Variants in PCDH15 observed in about 807,000 individuals in gnomAD.
PCDH15 encodes protocadherin-15.
A neutral mutation model predicts 178.5 loss-of-function variants in PCDH15; 129 were observed. The observed-to-expected ratio is 0.72, with a 90% CI of 0.63 to 0.84. PCDH15 has a LOEUF of 0.84. PCDH15 is among the 40% of genes least tolerant of loss of function. The probability of loss-of-function intolerance (pLI) is 0.00; values close to 1 mark genes in which losing one functional copy is unlikely to be tolerated. For synonymous variants in PCDH15, 800 were observed against 732.0 expected, an observed-to-expected ratio of 1.09 and a Z score of -1.50; for missense variants, 2,230 against 2,099.9, an observed-to-expected ratio of 1.06 and a Z score of -1.21.
rs75422821 is a variant in PCDH15 at position 55,135,224 on chromosome 10, T to C, written c.-80+31352A>G. 5.2e-4 allele frequency among the ~76,000 whole-genome samples: 79 copies of C among 152,284 alleles called. 2 individuals carry two copies. In the East Asian group the frequency reaches 0.013, roughly 26 times the overall value. On this transcript the variant is annotated intron_variant, in intron 2 of 5. Transcript: ENST00000458638. The stretch of plus-strand genomic sequence containing the variant: ...TCAACTAGTATCATAATAAGAATTA[T>C]AAATAATATGATCAGAGGGATAACA...
chr10:54,610,974 C>A (rs1358076102), intron 2 of PCDH15, among the ~76,000 whole-genome samples: 1 of 151,742 alleles, frequency 6.6e-6, no homozygotes, highest in Non-Finnish European at 1.5e-5. Flanking sequence ...GCTTCTTATA[C>A]TAGTAACATT....
intron 2 of PCDH15, among the ~76,000 whole-genome samples, chr10:55,566,694 C>A (rs1166670940): frequency 4.0e-5 from 6 of 151,458 alleles, no homozygotes; most frequent in Non-Finnish European, 7.4e-5. Flanking sequence ...GCAATAGCAT[C>A]AAAAATATAA....
intron 2 of PCDH15, among the ~76,000 whole-genome samples, chr10:54,996,063 T>A (rs1839636255): frequency 6.6e-6 from 1 of 152,176 alleles, no homozygotes; most frequent in South Asian, 2.1e-4. Flanking sequence ...GGACCTATAC[T>A]GAACCCCTAG....
chr10:54,617,850 G>A (rs1483282636), intron 2 of PCDH15, among the ~76,000 whole-genome samples: 2 of 150,904 alleles, frequency 1.3e-5, no homozygotes, highest in African/African-American at 4.9e-5. Context: ...TCTTGAACCC[G>A]GGAGGCAGAG....
chr10:54,643,591 CTTAA>C (rs2094046075), intron 2 of PCDH15, among the ~76,000 whole-genome samples: 2 of 151,734 alleles, frequency 1.3e-5, no homozygotes, highest in Non-Finnish European at 2.9e-5. Context: ...CTCATATGAC[CTTAA>C]TTGTTTAAAA....
intron 15 of PCDH15, among the ~76,000 whole-genome samples, chr10:54,118,778 A>ATTTT (rs71007808): frequency 6.6e-6 from 1 of 150,724 alleles, no homozygotes; most frequent in East Asian, 1.9e-4. Context: ...TTTTATTTTT[A>ATTTT]TTTTTTTTTG....
At chr10:54,939,363 C>T (rs1463820535) in intron 2 of PCDH15, among the ~76,000 whole-genome samples, 2 of 151,172 alleles carry the variant, frequency 1.3e-5, no homozygotes, top group Admixed American at 1.3e-4. Context: ...GGCGTGGTGG[C>T]GGGCCCCTGT....
chr10:55,625,673 A>C (rs1837511207), intron 2 of PCDH15, among the ~76,000 whole-genome samples: 2 of 152,180 alleles, frequency 1.3e-5, no homozygotes, highest in African/African-American at 4.8e-5. Context: ...AAGTCTTTTC[A>C]AAGCATTTAC....
chr10:55,257,530 G>C (rs1162293230), intron 1 of PCDH15, among the ~76,000 whole-genome samples: 1 of 151,956 alleles, frequency 6.6e-6, no homozygotes, highest in Non-Finnish European at 1.5e-5. Flanking sequence ...GTCCTTAAAG[G>C]ACCTGATGGA....
chr10:53,985,658 G>C (rs935461348), intron 21 of PCDH15, among the ~76,000 whole-genome samples: 1 of 151,866 alleles, frequency 6.6e-6, no homozygotes, highest in African/African-American at 2.4e-5. Flanking sequence ...GATCAAGCAG[G>C]GAAAAAATTG....
chr10:54,442,457 T>C lies in PCDH15; in HGVS notation c.158-63515A>G, dbSNP rs9415332. 2.7e-3 allele frequency among the ~76,000 whole-genome samples: 262 copies of C among 97,000 alleles called. 8 individuals carry two copies. The highest frequency in any genetic ancestry group is 9.4e-3 in the African/African-American group (222 of 23,732). 63.6% of individuals were successfully genotyped at this position (97,000 alleles called of 152,430 possible). On this transcript the variant is annotated intron_variant, in intron 3 of 37. Transcript: ENST00000644397. ...ATATATATATATATATATATATATATATACAGTCTTTTTTATTATAATAAA... is the reference window on the plus strand; with the variant it reads ...ATATATATATATATATATATATATACATACAGTCTTTTTTATTATAATAAA...
chr10:54,553,518 T>C (rs527808991), intron 2 of PCDH15, among the ~76,000 whole-genome samples: 34 of 152,298 alleles, frequency 2.2e-4, no homozygotes, highest in African/African-American at 8.2e-4. Context: ...CTCAATTGTG[T>C]CCTTCTGTCC....
intron 2 of PCDH15, among the ~76,000 whole-genome samples, chr10:55,022,305 A>C (rs2131955816): frequency 6.6e-6 from 1 of 152,032 alleles, no homozygotes; most frequent in African/African-American, 2.4e-5. Flanking sequence ...CACAAAAATT[A>C]GCTGGGCATG....
At chr10:54,767,338 G>C (rs1477881833) in intron 1 of PCDH15, among the ~76,000 whole-genome samples, 2 of 152,122 alleles carry the variant, frequency 1.3e-5, no homozygotes, top group Non-Finnish European at 2.9e-5. Flanking sequence ...ATGATTAAAT[G>C]AAAGTATCAA....
At chr10:55,080,275 C>T (rs183266071) in intron 2 of PCDH15, among the ~76,000 whole-genome samples, 1 of 152,264 alleles carries the variant, frequency 6.6e-6, no homozygotes, top group Admixed American at 6.5e-5. Context: ...GCTCCACCTC[C>T]TGTCAGATCA....
intron 1 of PCDH15, among the ~76,000 whole-genome samples, chr10:55,170,424 C>T (rs12414334): frequency 0.12 from 17,716 of 152,110 alleles, 1,465 homozygotes; most frequent in Non-Finnish European, 0.17. Flanking sequence ...GCTATGATTA[C>T]AGGAATGAGC....
chr10:54,226,971 C>G (rs1191203262), intron 9 of PCDH15, among the ~76,000 whole-genome samples: 1 of 152,228 alleles, frequency 6.6e-6, no homozygotes, highest in South Asian at 2.1e-4. Context: ...GACAACTCCA[C>G]CCCTGTTGCT....
chr10:54,917,832 AT>A (rs1206259683), intron 2 of PCDH15, among the ~76,000 whole-genome samples: 1 of 152,206 alleles, frequency 6.6e-6, no homozygotes, highest in Non-Finnish European at 1.5e-5. Context: ...ACTAAGGCAT[AT>A]TCAAATGGTT....
At chr10:55,338,426 T>C (rs568268951) in intron 2 of PCDH15, among the ~76,000 whole-genome samples, 1 of 152,304 alleles carries the variant, frequency 6.6e-6, no homozygotes, top group African/African-American at 2.4e-5. Context: ...AATCAATAAA[T>C]AGCAGGTAGT....
Sources: allele counts gnomAD v4.1 joint callset (sites outside exome capture counted in the v4.1 genomes callset), GRCh38; gene constraint gnomAD v4.1.1; transcripts MANE v1.5; gene names NCBI Gene and HGNC (gene_info 2026-07-23, HGNC 2026-07-21).